ABI2: variants seen among roughly 807,000 people sequenced by gnomAD.
ABI2 encodes the protein abelson interactor 2.
Under a neutral mutation model 59.2 loss-of-function variants are expected in ABI2, and 25 were observed. That is an observed-to-expected ratio of 0.42 (90% CI 0.31 to 0.59). The LOEUF (loss-of-function observed/expected upper bound fraction) is 0.59, where lower values mean the gene tolerates loss of function less well. Among genes scored for constraint, ABI2 ranks in the 20% least tolerant of loss-of-function variants. ABI2 has a pLI of 0.14. For missense variants in ABI2, 545 were observed against 681.8 expected, an observed-to-expected ratio of 0.80 and a Z score of 2.23; for synonymous variants, 213 against 235.5, an observed-to-expected ratio of 0.90 and a Z score of 0.87.
At chr2:203,392,374 C>A (rs1030243313) in intron 5 of ABI2, among the ~76,000 whole-genome samples, 15 of 141,568 alleles carry the variant, frequency 1.1e-4, no homozygotes, top group Admixed American at 7.5e-5. Flanking sequence ...AAAACCGAAA[C>A]CCAATCAAGC....
Position 203,328,642 on chromosome 2 carries a change from T to C in ABI2, c.117+11T>C. 6.5e-7 allele frequency: 1 copy of C among 1,544,396 alleles called. No individual in the cohort carries two copies. The highest frequency in any genetic ancestry group is 8.7e-7 in the Non-Finnish European group (1 of 1,144,800). On this transcript the variant is annotated intron_variant, in intron 1 of 11. Coordinates refer to ENST00000261018, the MANE Select transcript of ABI2 (RefSeq NM_001375670.1). Reference sequence around the variant, plus strand: ...AACAACTACATACAGGTGCGAAGCATCCCCAGCTGGGCCGCGTCGGGGACC... The same window carrying C: ...AACAACTACATACAGGTGCGAAGCACCCCCAGCTGGGCCGCGTCGGGGACC...
intron 1 of ABI2, chr2:203,355,140 A>G (rs1415580984): frequency 2.7e-6 from 1 of 374,142 alleles, no homozygotes. Flanking sequence ...TCTGGATCCC[A>G]TGCTTCTTTC....
chr2:203,337,798 A>G (rs958778858), intron 1 of ABI2, among the ~76,000 whole-genome samples: 17 of 152,232 alleles, frequency 1.1e-4, no homozygotes, highest in Non-Finnish European at 2.4e-4. Context: ...TGGGAGGCCT[A>G]GGTAGCCAGA....
intron 8 of ABI2, among the ~76,000 whole-genome samples, chr2:203,400,433 G>C (rs1312882581): frequency 6.6e-6 from 1 of 152,150 alleles, no homozygotes; most frequent in East Asian, 1.9e-4. Flanking sequence ...AATTCATAAT[G>C]ATGTTAATCC....
intron 1 of ABI2, among the ~76,000 whole-genome samples, chr2:203,337,400 A>G (rs2076945345): frequency 6.6e-6 from 1 of 152,262 alleles, no homozygotes; most frequent in East Asian, 1.9e-4. Context: ...ATAACAGCAG[A>G]AAGAATAGAA....
intron 4 of ABI2, among the ~76,000 whole-genome samples, chr2:203,387,478 A>G (rs758941106): frequency 5.9e-5 from 9 of 152,152 alleles, no homozygotes; most frequent in Non-Finnish European, 1.3e-4. Flanking sequence ...GCCTATTGGG[A>G]AAGTGTTTGA....
At chr2:203,349,341 T>C (rs1208178942) in intron 1 of ABI2, among the ~76,000 whole-genome samples, 1 of 152,230 alleles carries the variant, frequency 6.6e-6, no homozygotes, top group Non-Finnish European at 1.5e-5. Context: ...GGAAATAATA[T>C]TGATATATTT....
chr2:203,399,260 A>G (rs2097126594), intron 8 of ABI2, among the ~76,000 whole-genome samples: 1 of 152,054 alleles, frequency 6.6e-6, no homozygotes, highest in South Asian at 2.1e-4. Context: ...TTCTCATTAC[A>G]TGTGTGGTTT....
chr2:203,345,514 G>A (rs1331857380), intron 1 of ABI2, among the ~76,000 whole-genome samples: 1 of 152,090 alleles, frequency 6.6e-6, no homozygotes, highest in Non-Finnish European at 1.5e-5. Flanking sequence ...GGGTTCAAGC[G>A]ATTCTCCTGC....
chr2:203,421,702 C>A (rs1413391040), intron 11 of ABI2, among the ~76,000 whole-genome samples: 1 of 152,152 alleles, frequency 6.6e-6, no homozygotes. Flanking sequence ...CATGGTGGCT[C>A]ACGCCTGTAA....
At chr2:203,336,959 A>G (rs993919405) in intron 1 of ABI2, among the ~76,000 whole-genome samples, 24 of 152,082 alleles carry the variant, frequency 1.6e-4, no homozygotes, top group Non-Finnish European at 1.5e-4. Context: ...TGGTTTTGTC[A>G]GGTTTTAAAA....
chr2:203,399,522 G>A (rs1020991671), intron 8 of ABI2, among the ~76,000 whole-genome samples: 1 of 151,810 alleles, frequency 6.6e-6, no homozygotes, highest in Non-Finnish European at 1.5e-5. Flanking sequence ...GGCGGGGGGA[G>A]GAGGGGCGGG....
At chr2:203,397,364 A>T (rs1449752815) in intron 8 of ABI2, among the ~76,000 whole-genome samples, 1 of 152,232 alleles carries the variant, frequency 6.6e-6, no homozygotes, top group Non-Finnish European at 1.5e-5. Flanking sequence ...TTGATACAAC[A>T]AATGGAAAGC....
intron 2 of ABI2, among the ~76,000 whole-genome samples, chr2:203,373,016 C>T (rs1403531335): frequency 3.3e-5 from 5 of 151,596 alleles, no homozygotes; most frequent in South Asian, 4.2e-4. Flanking sequence ...ACGTCCCAGA[C>T]GATGGGCAGC....
intron 4 of ABI2, among the ~76,000 whole-genome samples, chr2:203,386,171 T>C (rs903585277): frequency 6.6e-6 from 1 of 152,178 alleles, no homozygotes; most frequent in Non-Finnish European, 1.5e-5. Flanking sequence ...GGAACAAAAC[T>C]GGACAGAGAA....
intron 1 of ABI2, among the ~76,000 whole-genome samples, chr2:203,335,474 C>G (rs1234942598): frequency 1.3e-5 from 2 of 152,100 alleles, no homozygotes; most frequent in African/African-American, 4.8e-5. Context: ...GTTGCTCCGG[C>G]TGGTCTTGGA....
Position 203,375,200 on chromosome 2 carries a change from G to A in ABI2, c.286-5008G>A, listed in dbSNP as rs151007755. Among the ~76,000 whole-genome samples the A allele has an allele frequency of 2.4e-3, 365 of 152,324 alleles. 1 individual carries two copies. The highest frequency in any genetic ancestry group is 9.3e-3 in the Admixed American group (143 of 15,306). The stretch of plus-strand genomic sequence containing the variant: ...ATTAATAAGGAACTGTGGGAGAATA[G>A]TTGTTTATTAAGTCCTATACAATTG... On this transcript the variant is annotated intron_variant, in intron 2 of 11. Transcript: ENST00000261018.
intron 1 of ABI2, among the ~76,000 whole-genome samples, chr2:203,346,689 A>G (rs1228042117): frequency 6.6e-6 from 1 of 152,164 alleles, no homozygotes; most frequent in African/African-American, 2.4e-5. Context: ...TTTAGTTAAC[A>G]TCTTGTCTTT....
intron 1 of ABI2, among the ~76,000 whole-genome samples, chr2:203,338,940 A>ATATATATATATATATATT (rs2077904205): frequency 1.5e-4 from 1 of 6,556 alleles, no homozygotes; most frequent in African/African-American, 1.9e-4. Flanking sequence ...ATATGTATAT[A>ATATATATATATATATATT]TATATATATA....
Sources: allele counts gnomAD v4.1 joint callset (sites outside exome capture counted in the v4.1 genomes callset), GRCh38; gene constraint gnomAD v4.1.1; transcripts MANE v1.5; gene names NCBI Gene and HGNC (gene_info 2026-07-23, HGNC 2026-07-21).